Variants in JAK2 observed in about 807,000 individuals in gnomAD.
JAK2 encodes Janus kinase 2.
A neutral mutation model predicts 139.3 loss-of-function variants in JAK2; 86 were observed. The ratio of observed to expected loss-of-function variants is 0.62; its 90% CI spans 0.52 to 0.74. The LOEUF is 0.74. Among genes scored for constraint, JAK2 ranks in the 30% least tolerant of loss-of-function variants. JAK2 has a pLI of 0.00. For synonymous variants in JAK2, 490 were observed against 437.7 expected, an observed-to-expected ratio of 1.12 and a Z score of -1.49; for missense variants, 1,421 against 1,360.3, an observed-to-expected ratio of 1.04 and a Z score of -0.70.
chr9:5,087,421 T>G (rs532400745), intron 19 of JAK2, among the ~76,000 whole-genome samples: 1 of 152,254 alleles, frequency 6.6e-6, no homozygotes, highest in African/African-American at 2.4e-5. Flanking sequence ...GTGGGGATTA[T>G]GGGGTTTACA....
intron 2 of JAK2, among the ~76,000 whole-genome samples, chr9:4,986,306 C>T (rs1819946782): frequency 6.6e-6 from 1 of 152,198 alleles, no homozygotes; most frequent in African/African-American, 2.4e-5. Context: ...TCTTCTTAAG[C>T]AGCCAGAGAT....
chr9:5,085,270 G>T, intron 19 of JAK2: 1 of 692,322 alleles, frequency 1.4e-6, no homozygotes, highest in Admixed American at 1.8e-5. Flanking sequence ...CACATCAGCT[G>T]ATGTTGGTTT....
intron 5 of JAK2, among the ~76,000 whole-genome samples, chr9:5,049,142 A>G (rs756769577): frequency 1.5e-4 from 23 of 152,014 alleles, no homozygotes; most frequent in Non-Finnish European, 2.9e-4. Flanking sequence ...TCAGATCCTT[A>G]TTATTTCGTA....
Position 5,050,809 on chromosome 9 carries a change from C to G in JAK2, c.592C>G (p.Leu198Val). Residue 198 changes from leucine (L) to valine (V), a missense_variant, in exon 6 of 25, where the codon CTG (leucine) becomes GTG (valine). Leu to Val is a conservative substitution (Grantham distance 32). Transcript: ENST00000381652. ...RIAKENDQTP[L>V]AIYNSISYKT... ...AGCCAAAGAAAACGATCAAACCCCA[C>G]TGGCCATCTATAACTCTATCAGGTA... 5 of 1,613,580 alleles carry G rather than the reference C, an allele frequency of 3.1e-6. No individual in the cohort carries two copies. The highest frequency in any genetic ancestry group is 3.4e-6 in the Non-Finnish European group (4 of 1,179,610).
chr9:5,119,388 C>G (rs912045571), intron 22 of JAK2, among the ~76,000 whole-genome samples: 3 of 151,510 alleles, frequency 2.0e-5, no homozygotes, highest in Non-Finnish European at 2.9e-5. Context: ...AAATTATGCA[C>G]TTTCATGTAT....
rs58424625 is a variant in JAK2, at chr9:5,062,500, T to TAAAAAAAAAAAAAAAAA, written c.1057-2368_1057-2352dup. Among the ~76,000 whole-genome samples the TAAAAAAAAAAAAAAAAA allele has an allele frequency of 2.7e-4, 16 of 58,242 alleles. 2 individuals carry two copies. The highest frequency in any genetic ancestry group is 1.5e-3 in the African/African-American group (14 of 9,592). The allele number at this position is 58,242 out of a possible 152,430, so 38.2% of individuals were successfully genotyped here. On this transcript the variant is annotated intron_variant, in intron 8 of 24. Transcript: ENST00000381652. ...AAGTTTGTCAGAAACCTTCCATTTG[T>TAAAAAAAAAAAAAAAAA]AAAAAAAAAAAAAAAAAAAAAAAAA...
chr9:5,079,544 A>G (rs1216949766), intron 16 of JAK2, among the ~76,000 whole-genome samples: 3 of 151,780 alleles, frequency 2.0e-5, no homozygotes, highest in Non-Finnish European at 4.4e-5. Flanking sequence ...CTATTAAATC[A>G]TTAGAACATC....
chr9:5,116,799 C>A (rs1823224019), intron 22 of JAK2, among the ~76,000 whole-genome samples: 1 of 152,134 alleles, frequency 6.6e-6, no homozygotes, highest in African/African-American at 2.4e-5. Flanking sequence ...AGGTCCACTA[C>A]CCATAGTCCC....
chr9:5,103,221 C>CAAAA lies in JAK2; in HGVS notation c.3059+12341_3059+12344dup, dbSNP rs56691830. ...GAAGATCTACCAAGCAAAGGGAAAGCAAAAAAAAAAAAAAAAAAAAAAAAA... is the reference window on the plus strand; with the variant it reads ...GAAGATCTACCAAGCAAAGGGAAAGCAAAAAAAAAAAAAAAAAAAAAAAAAAAAA... On this transcript the variant is annotated intron_variant, in intron 22 of 24. Transcript: ENST00000381652. Among the ~76,000 whole-genome samples the CAAAA allele has an allele frequency of 1.6e-3, 11 of 6,872 alleles. 1 individual carries two copies. Among genetic ancestry groups the CAAAA allele is most frequent in the African/African-American group, 1.8e-3 (3 of 1,694 alleles). The allele number at this position is 6,872 out of a possible 152,430, so 4.5% of individuals were successfully genotyped here. A position where few individuals can be genotyped will look rare whatever the true frequency, so the allele number is the denominator to read the frequency against.
intron 13 of JAK2, 116 bp from the exon 14 acceptor site, chr9:5,073,582 C>G (rs1172957903): frequency 1.3e-6 from 1 of 780,430 alleles, no homozygotes; most frequent in Non-Finnish European, 2.2e-6. Flanking sequence ...GTATCCTCAT[C>G]TATAGTCATG....
At position 5,054,660 on chromosome 9, in the gene JAK2, C is replaced by T. The variant is rs1466480406; in HGVS notation, c.712C>T (p.Gln238Ter). 3.7e-6 allele frequency: 6 copies of T among 1,613,032 alleles called. No individual in the cohort carries two copies. The highest frequency in any genetic ancestry group is 1.3e-5 in the African/African-American group (1 of 74,878). ...AAGGTACAGATTTCGCAGATTTATT[C>T]AGCAATTCAGCCAATGCAAAGCCAC... ...RIRYRFRRFIQQFSQCKATAR... is the reference protein window; with the variant it reads ...RIRYRFRRFI Residue 238 changes from glutamine (Q) to a stop codon, truncating the protein, a stop_gained, in exon 7 of 25, where the codon CAG becomes TAG. Coordinates refer to ENST00000381652, the MANE Select transcript of JAK2 (RefSeq NM_004972.4). LOFTEE classifies it high-confidence loss of function. This position sits in a 1 kb window ranked among gnomAD's most constrained non-coding sequence, Gnocchi z 4.9.
intron 22 of JAK2, among the ~76,000 whole-genome samples, chr9:5,118,610 T>C (rs977666383): frequency 6.6e-6 from 1 of 152,206 alleles, no homozygotes; most frequent in Non-Finnish European, 1.5e-5. Context: ...ATTTCTATAA[T>C]GGGACAAGAT....
chr9:5,006,870 CT>C (rs1821341368), intron 2 of JAK2, among the ~76,000 whole-genome samples: 1 of 152,066 alleles, frequency 6.6e-6, no homozygotes, highest in African/African-American at 2.4e-5. Context: ...TCTTCTTGTG[CT>C]AGTTTAGGTA....
At chr9:5,125,794 T>C (rs369547942) in intron 23 of JAK2, among the ~76,000 whole-genome samples, 2 of 151,588 alleles carry the variant, frequency 1.3e-5, no homozygotes, top group Non-Finnish European at 3.0e-5. Context: ...ATGTGAATTA[T>C]CTCTTCTGTG....
rs1554668430 is a variant in JAK2, at chr9:5,054,548, C to G, written c.615-15C>G. Reference sequence around the variant, plus strand: ...GTTTTGTTTTGTTTTTCTGTATGTGCTTTTTTATCCCTAGCTACAAGACAT... The same window carrying G: ...GTTTTGTTTTGTTTTTCTGTATGTGGTTTTTTATCCCTAGCTACAAGACAT... On this transcript the variant is annotated splice_polypyrimidine_tract_variant and intron_variant, in intron 6 of 24. Transcript: ENST00000381652. The surrounding 1 kb of genome is among the most constrained non-coding windows in gnomAD (Gnocchi z 4.9). 2.5e-5 allele frequency: 39 copies of G among 1,537,292 alleles called. No individual in the cohort carries two copies. The highest frequency in any genetic ancestry group is 3.4e-5 in the Non-Finnish European group (39 of 1,141,622).
chr9:5,032,227 G>A (rs1382837052), intron 4 of JAK2, among the ~76,000 whole-genome samples: 2 of 152,238 alleles, frequency 1.3e-5, no homozygotes, highest in Non-Finnish European at 2.9e-5. Context: ...GCCGAGGGTT[G>A]AGTAGGTAAA....
Position 5,080,241 on chromosome 9 carries a change from G to C in JAK2, c.2144G>C (p.Arg715Thr), listed in dbSNP as rs1211584359. ...TATCATTTAAAAGTTCTTCAGGAGA[G>C]AATACCATGGGTACCACCTGAATGC... is the stretch of plus-strand genomic sequence containing the variant. ...TVLPKDILQE[R>T]IPWVPPECIE... The change falls in exon 17 of 25, where the codon AGA (arginine) becomes ACA (threonine). Residue 715 changes from arginine to threonine, a missense_variant. Coordinates refer to ENST00000381652, the MANE Select transcript of JAK2 (RefSeq NM_004972.4). 8.1e-6 allele frequency: 13 copies of C among 1,611,474 alleles called. No individual in the cohort carries two copies. Among genetic ancestry groups the C allele is most frequent in the Non-Finnish European group, 1.1e-5 (13 of 1,178,586 alleles).
At chr9:5,104,280 T>A (rs201150222) in intron 22 of JAK2, among the ~76,000 whole-genome samples, 2 of 152,046 alleles carry the variant, frequency 1.3e-5, no homozygotes, top group Non-Finnish European at 2.9e-5. Context: ...AGAATACTAT[T>A]AACACCTCTA....
intron 4 of JAK2, among the ~76,000 whole-genome samples, chr9:5,033,138 G>C (rs1411819242): frequency 1.3e-5 from 2 of 152,198 alleles, no homozygotes; most frequent in African/African-American, 4.8e-5. Flanking sequence ...TAGGAAGAAA[G>C]GGTATCAGAG....
Sources: allele counts gnomAD v4.1 joint callset (sites outside exome capture counted in the v4.1 genomes callset), GRCh38; gene constraint gnomAD v4.1.1; non-coding constraint Gnocchi (gnomAD v3.1); transcripts MANE v1.5; gene names NCBI Gene and HGNC (gene_info 2026-07-23, HGNC 2026-07-21).